The following DNAJC12 variants were observed in gnomAD, a reference collection of about 807,000 sequenced individuals.
The protein encoded by DNAJC12 is dnaJ homolog subfamily C member 12.
Under a neutral mutation model 28.5 loss-of-function variants are expected in DNAJC12, and 25 were observed. The observed-to-expected ratio is 0.88, with a 90% confidence interval of 0.64 to 1.22. The LOEUF is 1.22. Among genes scored for constraint, DNAJC12 ranks in the 50% most tolerant of loss-of-function variants. The pLI, the probability that DNAJC12 is intolerant of heterozygous loss-of-function variation, is 0.00. For synonymous variants in DNAJC12, 77 were observed against 80.6 expected (o/e 0.95, Z 0.24); for missense variants, 222 against 231.7 (o/e 0.96, Z 0.27).
intron 1 of DNAJC12, among the ~76,000 whole-genome samples, chr10:67,826,641 GAT>G (rs1404136420): frequency 3.2e-5 from 4 of 124,388 alleles, no homozygotes; most frequent in Admixed American, 2.7e-4. Flanking sequence ...TTATATATAA[GAT>G]ATCTAATGAT....
rs781133305 is a variant in DNAJC12, at chr10:67,797,210, C to G, written c.503G>C (p.Gly168Ala). 6.2e-7 allele frequency: 1 copy of G among 1,612,120 alleles called. No homozygotes were observed. The highest frequency in any genetic ancestry group is 8.5e-7 in the Non-Finnish European group (1 of 1,178,966). ...GTGCCAACCATTCACATCTGCAAAA[C>G]CTTTAAAGGAAAGAAAGTAAATATT... ...SVSPQNSDSSGFADVNGWHLR... is the reference protein window; with the variant it reads ...SVSPQNSDSSAFADVNGWHLR... Residue 168 changes from glycine (G) to alanine (A), a missense_variant and splice_region_variant, in exon 5 of 5, where the codon GGT becomes GCT. Transcript: ENST00000225171.
intron 1 of DNAJC12, among the ~76,000 whole-genome samples, chr10:67,824,665 C>T (rs1173695751): frequency 6.6e-6 from 1 of 152,052 alleles, no homozygotes; most frequent in Non-Finnish European, 1.5e-5. Flanking sequence ...ATTACAGCAG[C>T]AGGAAACAAT....
chr10:67,809,141 A>C (rs1484874285), intron 3 of DNAJC12, among the ~76,000 whole-genome samples: 1 of 152,232 alleles, frequency 6.6e-6, no homozygotes, highest in Non-Finnish European at 1.5e-5. Context: ...GAAGTGGCAT[A>C]AGATAGTTTT....
intron 4 of DNAJC12, among the ~76,000 whole-genome samples, chr10:67,798,015 G>A (rs1174554713): frequency 6.7e-6 from 1 of 149,528 alleles, no homozygotes; most frequent in Non-Finnish European, 1.5e-5. Flanking sequence ...ACTCAGGCCT[G>A]GGCGACAGAG....
rs1841678137 is a variant in DNAJC12 at position 67,796,882 on chromosome 10, C to T, written c.*234G>A. ...AATAGGAAAAAGCATATAATACAAT[C>T]TACTCTGTATCTAAGAGCTTTAATT... is the stretch of plus-strand genomic sequence containing the variant. On this transcript the variant is annotated 3_prime_UTR_variant, in exon 5 of 5. Transcript: ENST00000225171. 1 of 380,944 alleles carries T rather than the reference C, an allele frequency of 2.6e-6. No individual in the cohort carries two copies. Among genetic ancestry groups the T allele is most frequent in the African/African-American group, 2.1e-5 (1 of 48,300 alleles). The allele number at this position is 380,944 out of a possible 1,614,324, so 23.6% of individuals were successfully genotyped here. A position where few individuals can be genotyped will look rare whatever the true frequency, so the allele number is the denominator to read the frequency against.
chr10:67,832,003 C>T (rs1414804939), intron 1 of DNAJC12, among the ~76,000 whole-genome samples: 1 of 152,182 alleles, frequency 6.6e-6, no homozygotes, highest in Non-Finnish European at 1.5e-5. Flanking sequence ...CAGTGGCTTA[C>T]GCCTGTAATC....
At chr10:67,803,197 G>T (rs1405759413) in intron 4 of DNAJC12, among the ~76,000 whole-genome samples, 2 of 151,946 alleles carry the variant, frequency 1.3e-5, no homozygotes, top group Non-Finnish European at 1.5e-5. Context: ...CTAATATTTT[G>T]ACCATTATAT....
Position 67,805,578 on chromosome 10 carries a change from C to T in DNAJC12, c.502+5G>A, listed in dbSNP as rs767615445. On this transcript the variant is annotated splice_donor_5th_base_variant and intron_variant, in intron 4 of 4. Transcript: ENST00000225171. ...TCCATTCTGCAGTTATATAACGTGACTTACCTGAAGAATCTGAATTTTGCG... is the reference window on the plus strand; with the variant it reads ...TCCATTCTGCAGTTATATAACGTGATTTACCTGAAGAATCTGAATTTTGCG... The T allele has an allele frequency of 2.6e-5, 41 of 1,600,034 alleles. No individual in the cohort carries two copies. Among genetic ancestry groups the T allele is most frequent in the Non-Finnish European group, 3.2e-5 (38 of 1,176,118 alleles).
chr10:67,822,537 G>A (rs934970574), intron 2 of DNAJC12, among the ~76,000 whole-genome samples: 1 of 152,172 alleles, frequency 6.6e-6, no homozygotes. Context: ...CAGGAAAGTA[G>A]AGAAGAGAGA....
At chr10:67,825,145 G>A (rs758726930) in intron 1 of DNAJC12, among the ~76,000 whole-genome samples, 7 of 152,126 alleles carry the variant, frequency 4.6e-5, no homozygotes, top group African/African-American at 7.2e-5. Flanking sequence ...TATAAGTAGC[G>A]CACTTAACAC....
At position 67,796,685 on chromosome 10, in the gene DNAJC12, T is replaced by G. The variant is rs1841676020; in HGVS notation, c.*431A>C. ...ATTCATTTATGAACTTTGGGAAAAT[T>G]ATTTATTTCTCCCCACGGGGTTCAG... On this transcript the variant is annotated 3_prime_UTR_variant, in exon 5 of 5. Coordinates refer to ENST00000225171, the MANE Select transcript of DNAJC12 (RefSeq NM_021800.3). 1 of 152,508 alleles carries G rather than the reference T, an allele frequency of 6.6e-6. No homozygotes were observed. The highest frequency in any genetic ancestry group is 1.5e-5 in the Non-Finnish European group (1 of 68,258). 9.4% of individuals were successfully genotyped at this position (152,508 alleles called of 1,614,324 possible).
At chr10:67,808,071 CA>C (rs1218033410) in intron 3 of DNAJC12, among the ~76,000 whole-genome samples, 1 of 152,190 alleles carries the variant, frequency 6.6e-6, no homozygotes, top group African/African-American at 2.4e-5. Flanking sequence ...AGATAGTCTG[CA>C]AATCACTCAT....
intron 3 of DNAJC12, among the ~76,000 whole-genome samples, chr10:67,806,824 C>A (rs1179386944): frequency 1.1e-4 from 14 of 122,034 alleles, no homozygotes; most frequent in African/African-American, 2.7e-4. Flanking sequence ...GACTCGGTCT[C>A]AAAAAAAAAA....
intron 3 of DNAJC12, chr10:67,808,541 T>C (rs1041284013): frequency 3.3e-5 from 5 of 152,098 alleles, no homozygotes; most frequent in African/African-American, 1.2e-4. Flanking sequence ...ATTGGAATGA[T>C]ACAAAGAAAA....
At chr10:67,811,462 G>C (rs564772132) in intron 3 of DNAJC12, 62 bp downstream of exon 3, 1 of 1,604,926 alleles carries the variant, frequency 6.2e-7, no homozygotes, top group South Asian at 1.1e-5. Flanking sequence ...GCTACTACAT[G>C]AGTCTAATCC....
chr10:67,821,150 G>T (rs1424582279), intron 2 of DNAJC12, among the ~76,000 whole-genome samples: 1 of 152,134 alleles, frequency 6.6e-6, no homozygotes, highest in Non-Finnish European at 1.5e-5. Flanking sequence ...ATAGGTCTTA[G>T]TATGATATTA....
intron 1 of DNAJC12, among the ~76,000 whole-genome samples, chr10:67,830,331 G>A (rs781053526): frequency 7.3e-6 from 1 of 136,336 alleles, no homozygotes; most frequent in Non-Finnish European, 1.6e-5. Flanking sequence ...TAAATAGGCC[G>A]GGCGCTGTGG....
In DNAJC12 at chr10:67,797,176, G is replaced by T; in HGVS notation, c.537C>A (p.Phe179Leu). ...FADVNGWHLR[F>L]RWSKDAPSEL... ...CTGAGGGAGCATCCTTGGACCAGCG[G>T]AAACGAAGGTGCCAACCATTCACAT... The change falls in exon 5 of 5, where the codon TTC (phenylalanine) becomes TTA (leucine). Residue 179 changes from phenylalanine (F) to leucine (L), a missense_variant. By Grantham distance (22) the Phe-to-Leu change is conservative. Coordinates refer to ENST00000225171, the MANE Select transcript of DNAJC12 (RefSeq NM_021800.3). The T allele has an allele frequency of 6.2e-7, 1 of 1,613,888 alleles. No homozygotes were observed. The highest frequency in any genetic ancestry group is 8.5e-7 in the Non-Finnish European group (1 of 1,179,910).
chr10:67,835,485 A>C (rs181384130), intron 1 of DNAJC12, among the ~76,000 whole-genome samples: 1 of 152,214 alleles, frequency 6.6e-6, no homozygotes, highest in East Asian at 1.9e-4. Flanking sequence ...AGGTCAAGAG[A>C]TGAAGACCAT....
Sources: gnomAD v4.1 joint callset for allele counts (sites outside exome capture counted in the v4.1 genomes callset) on GRCh38, gnomAD v4.1.1 for gene constraint, MANE v1.5 for transcripts, NCBI Gene and HGNC (gene_info 2026-07-23, HGNC 2026-07-21) for gene names.